The following CDH26 variants were observed in gnomAD, a reference collection of about 807,000 sequenced individuals.
The protein encoded by CDH26 is cadherin-like protein 26.
Under a neutral mutation model 90.3 loss-of-function variants are expected in CDH26, and 83 were observed. The observed-to-expected ratio is 0.92, with a 90% CI of 0.77 to 1.10. The LOEUF (loss-of-function observed/expected upper bound fraction) is 1.10. CDH26 is among the 50% of genes least tolerant of loss of function. The probability of loss-of-function intolerance (pLI) is 0.00; values close to 1 mark genes in which losing one functional copy is unlikely to be tolerated. For synonymous variants in CDH26, 397 were observed against 396.3 expected (o/e 1.00, Z -0.02); for missense variants, 1,013 against 1,037.6 (o/e 0.98, Z 0.33).
Position 59,985,402 on chromosome 20 carries a change from C to G in CDH26, c.837+273C>G, listed in dbSNP as rs1488178730. 3.9e-5 allele frequency among the ~76,000 whole-genome samples: 6 copies of G among 152,098 alleles called. No homozygotes were observed. In the East Asian group the frequency reaches 1.2e-3, roughly 29 times the overall value. ...GGACGGGGGGAGCAGGCATGTCACT[C>G]GGTGACAACAAGAGCATGCAAGACA... On this transcript the variant is annotated intron_variant, in intron 7 of 17. Coordinates refer to ENST00000348616, the MANE Select transcript of CDH26 (RefSeq NM_177980.4).
intron 16 of CDH26, among the ~76,000 whole-genome samples, chr20:60,004,623 G>T (rs2061720087): frequency 6.6e-6 from 1 of 151,936 alleles, no homozygotes; most frequent in African/African-American, 2.4e-5. Flanking sequence ...AAAATTAACT[G>T]GACGTGGTGG....
rs1757133742 is a variant in CDH26 at position 59,989,064 on chromosome 20, C to G, written c.1184C>G (p.Ala395Gly). 6.2e-7 allele frequency: 1 copy of G among 1,614,214 alleles called. No individual in the cohort carries two copies. Among genetic ancestry groups the G allele is most frequent in the Non-Finnish European group, 8.5e-7 (1 of 1,180,046 alleles). The change falls in exon 9 of 18, where the codon GCC (alanine) becomes GGC (glycine). Residue 395 changes from alanine to glycine, a missense_variant. Ala to Gly is a moderately conservative substitution (Grantham distance 60). Transcript: ENST00000348616. ...GTGACAGACGCCAACGACCCACCAGCCTTTCACCCCCAGAGCTTCATTGTC... is the reference window on the plus strand; with the variant it reads ...GTGACAGACGCCAACGACCCACCAGGCTTTCACCCCCAGAGCTTCATTGTC... ...VQVTDANDPP[A>G]FHPQSFIVNK... is the part of the protein sequence containing the mutation.
Position 59,996,651 on chromosome 20 carries a change from C to G in CDH26, c.1909C>G (p.Arg637Gly). ...ALAVALLFLL[R>G]CYFVLEPKRH... Reference sequence around the variant, plus strand: ...AACAGTGGCTCTGCTTTTTCTGTTGCGATGCTATTTTGTGCTTGAACCTAA... The same window carrying G: ...AACAGTGGCTCTGCTTTTTCTGTTGGGATGCTATTTTGTGCTTGAACCTAA... Residue 637 changes from arginine (R) to glycine (G), a missense_variant, in exon 13 of 18, where the codon CGA (arginine) becomes GGA (glycine). Coordinates refer to ENST00000348616, the MANE Select transcript of CDH26 (RefSeq NM_177980.4). 1 of 1,614,070 alleles carries G rather than the reference C, an allele frequency of 6.2e-7. No individual in the cohort carries two copies. Among genetic ancestry groups the G allele is most frequent in the Non-Finnish European group, 8.5e-7 (1 of 1,180,026 alleles).
chr20:60,012,781 T>C lies in CDH26; in HGVS notation c.*51T>C, dbSNP rs1353812489. On this transcript the variant is annotated 3_prime_UTR_variant, in exon 18 of 18. Transcript: ENST00000348616. ...GAAATAATTCATGGAAGGGAATCAC[T>C]ATTCAGGGATTTTTCCCCTTTGCTC... is the stretch of plus-strand genomic sequence containing the variant. 4 of 1,560,708 alleles carry C rather than the reference T, an allele frequency of 2.6e-6. No homozygotes were observed. In the South Asian group the frequency reaches 3.4e-5, roughly 13 times the overall value.
In CDH26 at chr20:60,012,855, G is replaced by A; in HGVS notation, c.*125G>A. 1.2e-6 allele frequency: 1 copy of A among 811,196 alleles called. No individual in the cohort carries two copies. Among genetic ancestry groups the A allele is most frequent in the Non-Finnish European group, 1.9e-6 (1 of 519,514 alleles). 50.2% of individuals were successfully genotyped at this position (811,196 alleles called of 1,614,324 possible). A position where few individuals can be genotyped will look rare whatever the true frequency, so the allele number is the denominator to read the frequency against. The stretch of plus-strand genomic sequence containing the variant: ...AATTACCTTCTAGTCCTAGGATGAG[G>A]ACACACTATTAGTTTGAATTAAATG... On this transcript the variant is annotated 3_prime_UTR_variant, in exon 18 of 18. Coordinates refer to ENST00000348616, the MANE Select transcript of CDH26 (RefSeq NM_177980.4).
chr20:60,026,175 C>T (rs1455903398), intron 7 of CDH26, among the ~76,000 whole-genome samples: 2 of 152,166 alleles, frequency 1.3e-5, no homozygotes, highest in African/African-American at 2.4e-5. Context: ...TCGTTTGTTT[C>T]CCTATGGGGA....
At chr20:60,023,402 T>C (rs1244151031) in intron 7 of CDH26, among the ~76,000 whole-genome samples, 1 of 152,238 alleles carries the variant, frequency 6.6e-6, no homozygotes, top group Non-Finnish European at 1.5e-5. Context: ...TTAATGGATG[T>C]GTTCAGGCGG....
chr20:59,991,213 C>T (rs2061523892), intron 9 of CDH26, among the ~76,000 whole-genome samples: 1 of 152,170 alleles, frequency 6.6e-6, no homozygotes, highest in South Asian at 2.1e-4. Flanking sequence ...CAACAGGAGC[C>T]TTTCCTAATT....
chr20:60,032,761 C>T (rs2062050200), intron 8 of CDH26, among the ~76,000 whole-genome samples: 1 of 149,038 alleles, frequency 6.7e-6, no homozygotes, highest in South Asian at 2.1e-4. Flanking sequence ...AAAAACCAAA[C>T]ACCGCATGTT....
intron 1 of CDH26, among the ~76,000 whole-genome samples, chr20:59,968,084 TTTCTTTCC>T (rs1196990171): frequency 5.7e-4 from 84 of 146,876 alleles, no homozygotes; most frequent in Middle Eastern, 3.4e-3. Flanking sequence ...CCTCTCTTTC[TTTCTTTCC>T]TTCTTTCCTT....
At chr20:60,011,278 A>T (rs370691764) in intron 17 of CDH26, among the ~76,000 whole-genome samples, 4 of 152,278 alleles carry the variant, frequency 2.6e-5, no homozygotes, top group African/African-American at 7.2e-5. Flanking sequence ...AGTTTCATGA[A>T]CTTTGGTCAT....
rs148034325 is a variant in CDH26 at position 59,988,923 on chromosome 20, G to T, written c.1043G>T (p.Arg348Leu). 10 of 1,613,964 alleles carry T rather than the reference G, an allele frequency of 6.2e-6. No individual in the cohort carries two copies. In the African/African-American group the frequency reaches 1.3e-4, roughly 22 times the overall value. Reference sequence around the variant, plus strand: ...TTCCAGCCTTTGGATTATGAGACTCGCCCAGCGCAAAGCCTCATCATTGTC... The same window carrying T: ...TTCCAGCCTTTGGATTATGAGACTCTCCCAGCGCAAAGCCTCATCATTGTC... ...NVIKPLDYET[R>L]PAQSLIIVVE... The change falls in exon 9 of 18, where the codon CGC becomes CTC. Residue 348 changes from arginine (R) to leucine (L), a missense_variant. Arg to Leu is a moderately radical substitution (Grantham distance 102). Coordinates refer to ENST00000348616, the MANE Select transcript of CDH26 (RefSeq NM_177980.4).
intron 16 of CDH26, among the ~76,000 whole-genome samples, chr20:60,003,884 G>A (rs80026362): frequency 0.023 from 3,513 of 152,268 alleles, 138 homozygotes; most frequent in African/African-American, 0.078. Flanking sequence ...GTGGGGTTAG[G>A]ACCTGAAGCT....
intron 11 of CDH26, 83 bp from the exon 12 acceptor site, chr20:59,995,750 G>T (rs961601050): frequency 3.9e-6 from 5 of 1,287,234 alleles, no homozygotes; most frequent in African/African-American, 1.5e-5. Context: ...AGCTTGGCCC[G>T]TGCAGGGCGT....
chr20:59,973,590 G>A (rs2145976639), intron 4 of CDH26, among the ~76,000 whole-genome samples: 1 of 152,090 alleles, frequency 6.6e-6, no homozygotes, highest in East Asian at 1.9e-4. Flanking sequence ...GTTTCCTTCT[G>A]TGTGTCCATG....
chr20:59,998,701 T>C lies in CDH26; in HGVS notation c.2020-885T>C, dbSNP rs8121813. Reference sequence around the variant, plus strand: ...CTGGGTGTAGATTCCAAATCTGTGATTGATCAGTTACATAATCTAACTGAA... The same window carrying C: ...CTGGGTGTAGATTCCAAATCTGTGACTGATCAGTTACATAATCTAACTGAA... On this transcript the variant is annotated intron_variant, in intron 13 of 17. Transcript: ENST00000348616. Among the ~76,000 whole-genome samples, 456 of 151,952 alleles carry C rather than the reference T, an allele frequency of 3.0e-3. 5 individuals are homozygous for C. Among genetic ancestry groups the C allele is most frequent in the African/African-American group, 0.01 (415 of 41,412 alleles).
At chr20:60,012,075 G>A (rs541798374) in intron 17 of CDH26, among the ~76,000 whole-genome samples, 32 of 152,200 alleles carry the variant, frequency 2.1e-4, no homozygotes, top group African/African-American at 7.7e-4. Flanking sequence ...TGAGCAGATT[G>A]AAGGATAGAC....
chr20:60,021,941 C>T (rs912551452), intron 7 of CDH26, among the ~76,000 whole-genome samples: 3 of 129,794 alleles, frequency 2.3e-5, no homozygotes, highest in Admixed American at 1.7e-4. Context: ...ATAGGCCTTT[C>T]GGTCTTGGAA....
At chr20:59,989,273 A>G in intron 9 of CDH26, 110 bp downstream of exon 9, 1 of 1,419,410 alleles carries the variant, frequency 7.0e-7, no homozygotes, top group Non-Finnish European at 9.6e-7. Context: ...TCACGCCTGT[A>G]ATCCCAGCGC....
Sources: allele counts gnomAD v4.1 joint callset (sites outside exome capture counted in the v4.1 genomes callset), GRCh38; gene constraint gnomAD v4.1.1; transcripts MANE v1.5; gene names NCBI Gene and HGNC (gene_info 2026-07-23, HGNC 2026-07-21).